Variants in SYN1 observed in about 807,000 individuals in gnomAD.
The protein encoded by SYN1 is synapsin I, also known as synapsin-1.
SYN1 carries 8 observed loss-of-function variants against 44.6 expected under a neutral mutation model. The ratio of observed to expected loss-of-function variants is 0.18; its 90% confidence interval spans 0.11 to 0.32. SYN1 has a LOEUF of 0.32. SYN1 is among the 10% of genes least tolerant of loss of function. The pLI is 1.00. For synonymous variants in SYN1, 275 were observed against 280.1 expected (o/e 0.98, Z 0.18); for missense variants, 451 against 639.4 (o/e 0.71, Z 3.18).
At chrX:47,582,616 G>C (rs750323751) in intron 5 of SYN1, 2 of 357,102 alleles carry the variant, frequency 5.6e-6, no homozygotes, top group African/African-American at 2.6e-5. Flanking sequence ...GCTAGTCTAG[G>C]GGGAAGAGGG....
At position 47,619,749 on chromosome X, in the gene SYN1, G is replaced by C; in HGVS notation, c.-21C>G. 1 of 1,157,906 alleles carries C rather than the reference G, an allele frequency of 8.6e-7. No homozygotes were observed. The highest frequency in any genetic ancestry group is 1.2e-6 in the Non-Finnish European group (1 of 867,254). On this transcript the variant is annotated 5_prime_UTR_variant, in exon 1 of 13. Transcript: ENST00000295987. ...TTCATGGCTGCGACTTGGGGCAGGGGGTCCTAGGGGTGGTCTGGCCAGGAG... is the reference window on the plus strand; with the variant it reads ...TTCATGGCTGCGACTTGGGGCAGGGCGTCCTAGGGGTGGTCTGGCCAGGAG...
chrX:47,605,798 C>T (rs1252630687), intron 3 of SYN1, among the ~76,000 whole-genome samples: 1 of 111,861 alleles, frequency 8.9e-6, no homozygotes, highest in Non-Finnish European at 1.9e-5. Flanking sequence ...CAGGTCTTTC[C>T]TCAAATGTCT....
Position 47,572,681 on chromosome X carries a change from C to A in SYN1, c.*183G>T, listed in dbSNP as rs368012121. 4 of 584,764 alleles carry A rather than the reference C, an allele frequency of 6.8e-6. No homozygotes were observed. Among genetic ancestry groups the A allele is most frequent in the East Asian group, 7.5e-5 (2 of 26,590 alleles). The allele number at this position is 584,764 out of a possible 1,213,427, so 48.2% of individuals were successfully genotyped here. ...ACTTGGGGATTCCACATGTGAGAAC[C>A]GGATTTAGGGCCAGGAGGAGTCAGG... On this transcript the variant is annotated 3_prime_UTR_variant, in exon 13 of 13. Transcript: ENST00000295987.
intron 5 of SYN1, among the ~76,000 whole-genome samples, chrX:47,580,368 C>T (rs1283247499): frequency 5.5e-5 from 6 of 108,749 alleles, no homozygotes; most frequent in African/African-American, 1.7e-4. Context: ...CCGTAGCTCA[C>T]GCATGTAATC....
intron 6 of SYN1, 123 bp downstream of exon 6, chrX:47,577,316 C>T: frequency 2.7e-6 from 2 of 753,614 alleles, no homozygotes; most frequent in Non-Finnish European, 4.0e-6. Context: ...CTGGCAAAAC[C>T]CGCAATTACT....
At chrX:47,590,050 T>C (rs193298438) in intron 5 of SYN1, 1 of 110,897 alleles carries the variant, frequency 9.0e-6, no homozygotes, top group African/African-American at 3.3e-5. Flanking sequence ...CCTGAAGGAA[T>C]GGGGTAGGTC....
intron 1 of SYN1, among the ~76,000 whole-genome samples, chrX:47,607,745 A>C (rs1422905047): frequency 3.7e-4 from 40 of 107,265 alleles, no homozygotes; most frequent in Admixed American, 2.0e-4. Context: ...AAAAAAAAAA[A>C]CAAAAGCCGA....
At chrX:47,614,733 T>C (rs2057926358) in intron 1 of SYN1, among the ~76,000 whole-genome samples, 1 of 111,896 alleles carries the variant, frequency 8.9e-6, no homozygotes, top group Non-Finnish European at 1.9e-5. Context: ...TGTCCCTCAC[T>C]GGGCATTGGC....
At chrX:47,600,195 A>C (rs66884679) in intron 5 of SYN1, among the ~76,000 whole-genome samples, 8,440 of 111,093 alleles carry the variant, frequency 0.076, 712 homozygotes, top group East Asian at 0.24. Context: ...AGGGAACCAA[A>C]AAGGAAGTTT....
intron 3 of SYN1, among the ~76,000 whole-genome samples, chrX:47,606,017 C>A (rs1248411227): frequency 9.1e-6 from 1 of 110,102 alleles, no homozygotes; most frequent in Non-Finnish European, 1.9e-5. Flanking sequence ...CTCAGCCTCC[C>A]GAGTAGCTGG....
At chrX:47,590,333 C>T (rs2147921854) in intron 5 of SYN1, 1 of 111,510 alleles carries the variant, frequency 9.0e-6, no homozygotes, top group South Asian at 3.9e-4. Context: ...CCTGTCCCCA[C>T]CCTGTGTGGA....
At chrX:47,597,450 T>G (rs1166651841) in intron 5 of SYN1, among the ~76,000 whole-genome samples, 2 of 110,879 alleles carry the variant, frequency 1.8e-5, no homozygotes, top group Non-Finnish European at 3.8e-5. Flanking sequence ...ATCAGTGAAT[T>G]TGAAGACAGG....
intron 1 of SYN1, among the ~76,000 whole-genome samples, chrX:47,613,389 T>C (rs2057922388): frequency 9.0e-6 from 1 of 111,280 alleles, no homozygotes; most frequent in South Asian, 3.8e-4. Flanking sequence ...GAATGTCCAA[T>C]CTGCCAGCAA....
At position 47,572,681 on chromosome X, in the gene SYN1, C is replaced by T; in HGVS notation, c.*183G>A. The stretch of plus-strand genomic sequence containing the variant: ...ACTTGGGGATTCCACATGTGAGAAC[C>T]GGATTTAGGGCCAGGAGGAGTCAGG... On this transcript the variant is annotated 3_prime_UTR_variant, in exon 13 of 13. Coordinates refer to ENST00000295987, the MANE Select transcript of SYN1 (RefSeq NM_006950.3). 1.7e-6 allele frequency: 1 copy of T among 584,759 alleles called. No individual in the cohort carries two copies. Among genetic ancestry groups the T allele is most frequent in the East Asian group, 3.8e-5 (1 of 26,590 alleles). The allele number at this position is 584,759 out of a possible 1,213,427, so 48.2% of individuals were successfully genotyped here.
chrX:47,603,069 G>A (rs1167604508), intron 5 of SYN1, among the ~76,000 whole-genome samples: 1 of 110,777 alleles, frequency 9.0e-6, no homozygotes, highest in Admixed American at 9.7e-5. Flanking sequence ...TTTCTATTAG[G>A]AACTACAAGA....
chrX:47,600,431 T>C (rs1169000258), intron 5 of SYN1, among the ~76,000 whole-genome samples: 1 of 111,402 alleles, frequency 9.0e-6, no homozygotes, highest in African/African-American at 3.3e-5. Context: ...ACTCCTGCAC[T>C]CAAGCAATCC....
intron 5 of SYN1, chrX:47,585,208 T>G (rs774396901): frequency 8.4e-7 from 1 of 1,185,677 alleles, no homozygotes; most frequent in South Asian, 1.9e-5. Flanking sequence ...TCAACAGATG[T>G]ATAAAGGGTT....
intron 5 of SYN1, among the ~76,000 whole-genome samples, chrX:47,579,804 C>G (rs2057790061): frequency 9.1e-6 from 1 of 110,149 alleles, no homozygotes; most frequent in Non-Finnish European, 1.9e-5. Context: ...ATAATCAGCT[C>G]CTACAGATTT....
chrX:47,585,708 C>T (rs765335101), intron 5 of SYN1: 12 of 1,203,547 alleles, frequency 1.0e-5, no homozygotes, highest in Non-Finnish European at 1.3e-5. Flanking sequence ...AGATCCTTCC[C>T]GGGGCCATTC....
Sources: gnomAD v4.1 joint callset for allele counts (sites outside exome capture counted in the v4.1 genomes callset) on GRCh38, gnomAD v4.1.1 for gene constraint, MANE v1.5 for transcripts, NCBI Gene and HGNC (gene_info 2026-07-23, HGNC 2026-07-21) for gene names.